Variants in DISP1 observed in about 807,000 individuals in gnomAD.
DISP1 encodes protein dispatched homolog 1.
DISP1 carries 30 observed loss-of-function variants against 37.3 expected under a neutral mutation model. That is an observed-to-expected ratio of 0.80 (90% CI 0.60 to 1.09). The LOEUF (loss-of-function observed/expected upper bound fraction) is 1.09, where lower values mean the gene tolerates loss of function less well. Ranked by LOEUF, DISP1 falls within the 50% of genes least tolerant of loss-of-function variation. The probability of loss-of-function intolerance (pLI) is 0.00; values close to 1 mark genes in which losing one functional copy is unlikely to be tolerated. For missense variants in DISP1, 1,598 were observed against 1,879.5 expected, an observed-to-expected ratio of 0.85 and a Z score of 2.77; for synonymous variants, 634 against 690.2, an observed-to-expected ratio of 0.92 and a Z score of 1.28.
chr1:222,866,326 G>T (rs1669191536), intron 1 of DISP1, among the ~76,000 whole-genome samples: 1 of 150,738 alleles, frequency 6.6e-6, no homozygotes, highest in African/African-American at 2.4e-5. Context: ...GGATAGTTTT[G>T]TTGTTGTTGT....
intron 5 of DISP1, 107 bp downstream of exon 5, chr1:222,990,855 C>A: frequency 7.0e-7 from 1 of 1,425,408 alleles, no homozygotes; most frequent in Non-Finnish European, 9.8e-7. Context: ...TAAAAACCTT[C>A]TCAAGCAACA....
At chr1:222,897,776 A>T (rs1671349301) in intron 1 of DISP1, among the ~76,000 whole-genome samples, 1 of 152,138 alleles carries the variant, frequency 6.6e-6, no homozygotes, top group South Asian at 2.1e-4. Context: ...GAATGTTTTT[A>T]TTTTAAAAAT....
At chr1:222,859,783 A>G (rs531621653) in intron 1 of DISP1, among the ~76,000 whole-genome samples, 1 of 152,328 alleles carries the variant, frequency 6.6e-6, no homozygotes, top group South Asian at 2.1e-4. Flanking sequence ...AGTTCCAGAT[A>G]GAGTTTGGGA....
intron 3 of DISP1, among the ~76,000 whole-genome samples, chr1:222,980,410 AGTGTGT>A (rs3028495): frequency 0.27 from 39,729 of 148,070 alleles, 5,352 homozygotes; most frequent in South Asian, 0.32. Flanking sequence ...GATGTAACAA[AGTGTGT>A]GTGTGTGTGT....
intron 1 of DISP1, among the ~76,000 whole-genome samples, chr1:222,908,036 T>A (rs1315082409): frequency 6.6e-6 from 1 of 152,190 alleles, no homozygotes; most frequent in Non-Finnish European, 1.5e-5. Context: ...AGAGTTTTTT[T>A]AAAAAATAGA....
chr1:222,828,871 T>C (rs1175966066), intron 1 of DISP1, among the ~76,000 whole-genome samples: 2 of 152,248 alleles, frequency 1.3e-5, no homozygotes, highest in Non-Finnish European at 2.9e-5. Flanking sequence ...CAACAATTTT[T>C]GGTGATCTCC....
chr1:222,935,422 G>C (rs1673659177), intron 2 of DISP1, among the ~76,000 whole-genome samples: 2 of 152,102 alleles, frequency 1.3e-5, no homozygotes, highest in East Asian at 1.9e-4. Flanking sequence ...CAAGACCTTG[G>C]CATCATGCTT....
chr1:222,974,821 ATACT>A (rs936356972), intron 3 of DISP1, among the ~76,000 whole-genome samples: 18 of 152,314 alleles, frequency 1.2e-4, no homozygotes, highest in African/African-American at 4.1e-4. Context: ...TTTCATGGAA[ATACT>A]TAATATGAAG....
At chr1:222,959,615 A>G (rs1572627545) in intron 3 of DISP1, among the ~76,000 whole-genome samples, 1 of 150,982 alleles carries the variant, frequency 6.6e-6, no homozygotes, top group Non-Finnish European at 1.5e-5. Context: ...CAGGAGAATT[A>G]CTTGAACCTG....
At position 223,005,700 on chromosome 1, in the gene DISP1, G is replaced by A; in HGVS notation, c.4303G>A (p.Ala1435Thr). Residue 1435 changes from alanine (A) to threonine (T), a missense_variant, in exon 9 of 9, where the codon GCA (alanine) becomes ACA (threonine). Physicochemically the swap from Ala to Thr is moderately conservative, Grantham distance 58. Coordinates refer to ENST00000675850, the MANE Select transcript of DISP1 (RefSeq NM_001377229.1). The stretch of plus-strand genomic sequence containing the variant: ...GAGCAGTGGAGGGACTGAAAACAAG[G>A]CAGGAGGGAAAGTGGAGCTGAGCTT... ...LESSGGTENK[A>T]GGKVELSLSQ... 2 of 1,614,088 alleles carry A rather than the reference G, an allele frequency of 1.2e-6. No individual in the cohort carries two copies. The highest frequency in any genetic ancestry group is 1.7e-6 in the Non-Finnish European group (2 of 1,180,048).
intron 1 of DISP1, among the ~76,000 whole-genome samples, chr1:222,866,351 T>C (rs1021688286): frequency 6.6e-6 from 1 of 151,956 alleles, no homozygotes; most frequent in South Asian, 2.1e-4. Context: ...GTTGTTGTTG[T>C]TGCTGTTGTT....
chr1:222,937,028 C>T (rs1286725340), intron 2 of DISP1, among the ~76,000 whole-genome samples: 26 of 102,024 alleles, frequency 2.5e-4, no homozygotes, highest in African/African-American at 9.3e-4. Context: ...TTATATATTA[C>T]ATATTATATA....
chr1:222,892,941 A>T (rs933332408), intron 1 of DISP1, among the ~76,000 whole-genome samples: 1 of 152,254 alleles, frequency 6.6e-6, no homozygotes, highest in African/African-American at 2.4e-5. Flanking sequence ...TCTCAAGGCA[A>T]TTAATGTTTT....
chr1:222,952,133 G>A (rs1675269994), intron 3 of DISP1, among the ~76,000 whole-genome samples: 1 of 152,248 alleles, frequency 6.6e-6, no homozygotes, highest in Non-Finnish European at 1.5e-5. Flanking sequence ...CTGGACAAGT[G>A]TCTTTTGCAA....
At chr1:222,852,002 T>A (rs1350442555) in intron 1 of DISP1, among the ~76,000 whole-genome samples, 1 of 152,062 alleles carries the variant, frequency 6.6e-6, no homozygotes, top group African/African-American at 2.4e-5. Flanking sequence ...CTGACCAACA[T>A]GGAGAAACCC....
intron 1 of DISP1, among the ~76,000 whole-genome samples, chr1:222,898,789 G>C (rs188276150): frequency 3.3e-5 from 5 of 152,174 alleles, no homozygotes; most frequent in Middle Eastern, 3.4e-3. Context: ...AATGTATGAG[G>C]CTGCTTTCAG....
intron 1 of DISP1, among the ~76,000 whole-genome samples, chr1:222,892,059 C>G (rs982822927): frequency 1.3e-5 from 2 of 151,868 alleles, no homozygotes; most frequent in African/African-American, 2.4e-5. Context: ...AGAAGTGTTC[C>G]CATTTAGGAT....
chr1:222,895,908 T>C (rs1439149874), intron 1 of DISP1, among the ~76,000 whole-genome samples: 1 of 152,216 alleles, frequency 6.6e-6, no homozygotes, highest in African/African-American at 2.4e-5. Context: ...CAAAGATTTC[T>C]CAAGATTTTT....
chr1:222,878,527 G>A (rs1474057805), intron 1 of DISP1, among the ~76,000 whole-genome samples: 3 of 152,142 alleles, frequency 2.0e-5, no homozygotes, highest in Non-Finnish European at 2.9e-5. Flanking sequence ...AATGTTTTAA[G>A]TGTTTTTGTA....
Sources: allele counts gnomAD v4.1 joint callset (sites outside exome capture counted in the v4.1 genomes callset), GRCh38; gene constraint gnomAD v4.1.1; transcripts MANE v1.5; gene names NCBI Gene and HGNC (gene_info 2026-07-23, HGNC 2026-07-21).